CACNA1I: variants seen among roughly 807,000 people sequenced by gnomAD.
CACNA1I encodes voltage-dependent T-type calcium channel subunit alpha-1I.
In CACNA1I, 74 loss-of-function variants were observed where a neutral mutation model predicts 201.6. The ratio of observed to expected loss-of-function variants is 0.37; its 90% CI spans 0.30 to 0.45. The LOEUF (loss-of-function observed/expected upper bound fraction) is 0.45. Among genes scored for constraint, CACNA1I ranks in the 20% least tolerant of loss-of-function variants. CACNA1I has a pLI of 1.00. For missense variants in CACNA1I, 2,346 were observed against 3,138.1 expected, an observed-to-expected ratio of 0.75 and a Z score of 6.03; for synonymous variants, 1,431 against 1,345.2, an observed-to-expected ratio of 1.06 and a Z score of -1.40.
Position 39,649,355 on chromosome 22 carries a change from G to A in CACNA1I, c.1568-146G>A, listed in dbSNP as rs547097744. Reference sequence around the variant, plus strand: ...CAGAGAGCTGCAGCCGCTTCCCCAGGCACCCCTGACCGCCTTTCCAGGCTG... The same window carrying A: ...CAGAGAGCTGCAGCCGCTTCCCCAGACACCCCTGACCGCCTTTCCAGGCTG... On this transcript the variant is annotated intron_variant, in intron 9 of 36. Coordinates refer to ENST00000402142, the MANE Select transcript of CACNA1I (RefSeq NM_021096.4). The surrounding 1 kb of genome is among the most constrained non-coding windows in gnomAD (Gnocchi z 7.3). 14 of 780,472 alleles carry A rather than the reference G, an allele frequency of 1.8e-5. No homozygotes were observed. Among genetic ancestry groups the A allele is most frequent in the African/African-American group, 1.5e-4 (8 of 55,044 alleles). 48.3% of individuals were successfully genotyped at this position (780,472 alleles called of 1,614,324 possible). A position where few individuals can be genotyped will look rare whatever the true frequency, so the allele number is the denominator to read the frequency against.
chr22:39,584,941 A>T (rs1932692134), intron 1 of CACNA1I, among the ~76,000 whole-genome samples: 2 of 152,218 alleles, frequency 1.3e-5, no homozygotes, highest in African/African-American at 4.8e-5. Context: ...CCAGCACTGG[A>T]GCTTGCTACT....
intron 27 of CACNA1I, 66 bp downstream of exon 27, chr22:39,672,374 C>A (rs367906567): frequency 3.6e-6 from 4 of 1,120,684 alleles, no homozygotes; most frequent in African/African-American, 3.1e-5. Context: ...CAGTCCTGAC[C>A]CTTAGGGAAG....
chr22:39,577,758 C>T (rs901620146), intron 1 of CACNA1I, among the ~76,000 whole-genome samples: 1 of 152,072 alleles, frequency 6.6e-6, no homozygotes, highest in African/African-American at 2.4e-5. Flanking sequence ...TTGGTGCAGC[C>T]CTGGCTCCTT....
At chr22:39,669,780 T>C (rs913737400) in intron 24 of CACNA1I, among the ~76,000 whole-genome samples, 6 of 152,090 alleles carry the variant, frequency 3.9e-5, no homozygotes, top group Non-Finnish European at 8.8e-5. Context: ...GATAGGTCAA[T>C]GAGAGGAAGA....
In CACNA1I at chr22:39,659,137, G is replaced by A. The variant is rs1350415119; in HGVS notation, c.2330+21G>A. On this transcript the variant is annotated intron_variant, in intron 12 of 36. Transcript: ENST00000402142. The surrounding 1 kb of genome is among the most constrained non-coding windows in gnomAD (Gnocchi z 4.3). ...TTCAGGTGAGCCTGCCCTGCTGGGG[G>A]CCATACCTCAGCACCTGCTGGGGCT... is the stretch of plus-strand genomic sequence containing the variant. 1.9e-6 allele frequency: 3 copies of A among 1,609,896 alleles called. No individual in the cohort carries two copies. Among genetic ancestry groups the A allele is most frequent in the Non-Finnish European group, 2.5e-6 (3 of 1,178,858 alleles).
intron 4 of CACNA1I, among the ~76,000 whole-genome samples, chr22:39,620,723 GT>G (rs892655166): frequency 1.0e-4 from 15 of 148,854 alleles, no homozygotes; most frequent in South Asian, 2.2e-4. Flanking sequence ...TGCCTTCCTG[GT>G]TTTTTTTTGT....
rs781322294 is a variant in CACNA1I at position 39,662,764 on chromosome 22, T to C, written c.3373-12T>C. The C allele has an allele frequency of 6.4e-7, 1 of 1,557,694 alleles. No individual in the cohort carries two copies. Among genetic ancestry groups the C allele is most frequent in the East Asian group, 2.4e-5 (1 of 41,766 alleles). ...ATCGCTGACCCCCGGCGCTCCGTCCTCCTCTTGCTAGACCCTGTGCTTCCG... is the reference window on the plus strand; with the variant it reads ...ATCGCTGACCCCCGGCGCTCCGTCCCCCTCTTGCTAGACCCTGTGCTTCCG... On this transcript the variant is annotated splice_polypyrimidine_tract_variant and intron_variant, in intron 17 of 36. Transcript: ENST00000402142.
chr22:39,670,370 C>A, intron 25 of CACNA1I, 140 bp downstream of exon 25: 1 of 841,040 alleles, frequency 1.2e-6, no homozygotes, highest in Non-Finnish European at 1.8e-6. Flanking sequence ...CCACTTCTCC[C>A]AGCATCTTCC....
In CACNA1I at chr22:39,677,939, C is replaced by T. The variant is rs756951483; in HGVS notation, c.4934-48C>T. The T allele has an allele frequency of 8.5e-6, 13 of 1,536,964 alleles. No individual in the cohort carries two copies. The highest frequency in any genetic ancestry group is 4.9e-5 in the East Asian group (2 of 41,096). On this transcript the variant is annotated intron_variant, in intron 30 of 36. Transcript: ENST00000402142. This position sits in a 1 kb window ranked among gnomAD's most constrained non-coding sequence, Gnocchi z 4.8. The stretch of plus-strand genomic sequence containing the variant: ...GGAGGCACCAGGTCAGGGTGAGCCC[C>T]GCAGGCACTCCGCCATCGGGCAGGG...
intron 32 of CACNA1I, 105 bp from the exon 33 acceptor site, chr22:39,679,617 G>C: frequency 8.4e-7 from 1 of 1,195,264 alleles, no homozygotes; most frequent in South Asian, 1.5e-5. Flanking sequence ...CCCAGGCCAT[G>C]GGCGCAGAGA....
intron 18 of CACNA1I, 119 bp downstream of exon 18, chr22:39,662,995 G>A: frequency 4.3e-6 from 3 of 692,324 alleles, no homozygotes. Flanking sequence ...GGACCCTCCC[G>A]GCCCAGAGGT....
chr22:39,661,163 C>A lies in CACNA1I; in HGVS notation c.2754C>A (p.Leu918=), dbSNP rs1934995431. The change falls in exon 16 of 37, where the codon CTC becomes CTA. Residue 918 remains leucine (L), a synonymous_variant. Transcript: ENST00000402142. The part of the protein sequence containing the change: ...MTPNGHLDPS[L]PLGGHLGPAG... ...CCAATGGGCACCTGGACCCCAGTCT[C>A]CCACTGGGTGGGCACCTAGGTCCTG... 6.2e-7 allele frequency: 1 copy of A among 1,613,244 alleles called. No homozygotes were observed. The highest frequency in any genetic ancestry group is 2.2e-5 in the East Asian group (1 of 44,872).
intron 1 of CACNA1I, among the ~76,000 whole-genome samples, chr22:39,580,164 G>T (rs182392431): frequency 6.6e-6 from 1 of 152,312 alleles, no homozygotes; most frequent in East Asian, 1.9e-4. Context: ...GCTCTTTAGA[G>T]GGGGAGGTGT....
At chr22:39,611,868 AT>A (rs2081693531) in intron 3 of CACNA1I, among the ~76,000 whole-genome samples, 1 of 152,076 alleles carries the variant, frequency 6.6e-6, no homozygotes, top group Non-Finnish European at 1.5e-5. Flanking sequence ...CCAACCCAGC[AT>A]TCTTCCCCCA....
chr22:39,603,244 C>T (rs1174059792), intron 3 of CACNA1I, among the ~76,000 whole-genome samples: 1 of 151,900 alleles, frequency 6.6e-6, no homozygotes, highest in Non-Finnish European at 1.5e-5. Context: ...TCTGCTGTCT[C>T]CTTCTGGAAT....
chr22:39,658,363 AC>A, intron 11 of CACNA1I, 60 bp downstream of exon 11: 1 of 1,510,814 alleles, frequency 6.6e-7, no homozygotes, highest in Non-Finnish European at 9.1e-7. Context: ...TACTGCAAAG[AC>A]CCCAGCCAGC....
rs73885293 is a variant in CACNA1I at position 39,635,341 on chromosome 22, G to C, written c.740+617G>C. On this transcript the variant is annotated intron_variant, in intron 5 of 36. Coordinates refer to ENST00000402142, the MANE Select transcript of CACNA1I (RefSeq NM_021096.4). ...CTCGGGGCTCAGGATGCGGCAGAAG[G>C]GGGGGGGTCCCTGCCCCCTGCCCTT... 3.4e-3 allele frequency among the ~76,000 whole-genome samples: 519 copies of C among 151,594 alleles called. 3 individuals are homozygous for C. Among genetic ancestry groups the C allele is most frequent in the South Asian group, 0.032 (151 of 4,790 alleles).
At chr22:39,606,678 A>G (rs1163709297) in intron 3 of CACNA1I, among the ~76,000 whole-genome samples, 1 of 152,214 alleles carries the variant, frequency 6.6e-6, no homozygotes, top group Non-Finnish European at 1.5e-5. Flanking sequence ...GATTACAGGC[A>G]TGCGCCGCCA....
intron 4 of CACNA1I, among the ~76,000 whole-genome samples, chr22:39,627,547 G>C (rs1283602261): frequency 1.3e-5 from 2 of 152,262 alleles, no homozygotes; most frequent in Non-Finnish European, 2.9e-5. Context: ...TGCCCAACCA[G>C]GGTCATGGTC....
Sources: gnomAD v4.1 joint callset for allele counts (sites outside exome capture counted in the v4.1 genomes callset) on GRCh38, gnomAD v4.1.1 for gene constraint, Gnocchi (gnomAD v3.1) non-coding constraint, MANE v1.5 for transcripts, NCBI Gene and HGNC (gene_info 2026-07-23, HGNC 2026-07-21) for gene names.